Variants in ZNF469 observed in about 807,000 individuals in gnomAD.
ZNF469 encodes the protein zinc finger protein 469.
A neutral mutation model predicts 1.0 loss-of-function variants in ZNF469; 1 was observed. The observed-to-expected ratio is 1.00, with a 90% CI of 0.35 to 4.73. ZNF469 has a LOEUF of 4.73. ZNF469 is among the 30% of genes most tolerant of loss of function. The pLI is 0.16. For synonymous variants in ZNF469, 2,703 were observed against 2,363.4 expected, an observed-to-expected ratio of 1.14 and a Z score of -4.17; for missense variants, 6,100 against 5,356.3, an observed-to-expected ratio of 1.14 and a Z score of -4.33.
At chr16:88,284,324 G>C in the ZNF469 span, among the ~76,000 whole-genome samples, 1 of 152,208 alleles carries the variant, frequency 6.6e-6, no homozygotes, top group Admixed American at 6.5e-5. Context: ...AATGGCTCAC[G>C]CCTATAATCC....
the ZNF469 span, among the ~76,000 whole-genome samples, chr16:88,180,197 T>C: frequency 6.6e-6 from 1 of 151,834 alleles, no homozygotes; most frequent in Admixed American, 6.6e-5. Flanking sequence ...ACGAGACAAA[T>C]ACAAAATAAA....
intron 1 of ZNF469, among the ~76,000 whole-genome samples, chr16:88,402,733 G>A (rs940036489): frequency 1.1e-4 from 16 of 152,202 alleles, no homozygotes; most frequent in Non-Finnish European, 1.9e-4. Context: ...CCCGGCCCCC[G>A]CCTGCCTCTG....
In ZNF469 at chr16:88,433,696, C is replaced by T; in HGVS notation, c.6226C>T (p.Arg2076Ter). Residue 2076 changes from arginine (R) to a stop codon, truncating the protein, a stop_gained, in exon 3 of 3, where the codon CGA (arginine) becomes TGA (stop). Coordinates refer to ENST00000565624, the MANE Select transcript of ZNF469 (RefSeq NM_001367624.2). LOFTEE classifies it low-confidence loss of function (END_TRUNC). Reference sequence around the variant, plus strand: ...GCTGGCCTTGACAGCAGCCCACAGCCGAAGTGGATCTGAGGGCCGGACTCC... The same window carrying T: ...GCTGGCCTTGACAGCAGCCCACAGCTGAAGTGGATCTGAGGGCCGGACTCC... ...LALALTAAHS[R>*]SGSEGRTPER... 2 of 1,549,388 alleles carry T rather than the reference C, an allele frequency of 1.3e-6. No homozygotes were observed. The highest frequency in any genetic ancestry group is 2.4e-5 in the East Asian group (1 of 40,910).
chr16:88,393,281 C>A (rs1230418642), intron 1 of ZNF469, among the ~76,000 whole-genome samples: 1 of 152,264 alleles, frequency 6.6e-6, no homozygotes, highest in African/African-American at 2.4e-5. Context: ...TGGGAGCATG[C>A]CCACAGCAGG....
At chr16:88,335,518 C>T in the ZNF469 span, among the ~76,000 whole-genome samples, 4 of 152,220 alleles carry the variant, frequency 2.6e-5, no homozygotes, top group South Asian at 2.1e-4. Flanking sequence ...GCCCCCTCCT[C>T]GGCCCCTCAG....
chr16:88,257,150 G>C, the ZNF469 span, among the ~76,000 whole-genome samples: 1 of 142,612 alleles, frequency 7.0e-6, no homozygotes, highest in Admixed American at 7.3e-5. Flanking sequence ...TTTTAGTAGA[G>C]AAAGGGTTTT....
the ZNF469 span, among the ~76,000 whole-genome samples, chr16:88,231,880 G>C: frequency 9.2e-5 from 14 of 152,310 alleles, no homozygotes; most frequent in East Asian, 2.5e-3. The surrounding 1 kb of genome is among the most constrained non-coding windows in gnomAD (Gnocchi z 4.5). Context: ...CATCTTTGGG[G>C]GCCATTATTG....
chr16:88,312,306 A>C, the ZNF469 span, among the ~76,000 whole-genome samples: 1 of 152,350 alleles, frequency 6.6e-6, no homozygotes, highest in African/African-American at 2.4e-5. Flanking sequence ...AATTCCCAGG[A>C]GGCTCAGCCT....
At chr16:88,365,122 G>T in the ZNF469 span, among the ~76,000 whole-genome samples, 1 of 152,120 alleles carries the variant, frequency 6.6e-6, no homozygotes, top group African/African-American at 2.4e-5. Flanking sequence ...CATTATTTTG[G>T]GATCCATGAG....
chr16:88,164,052 G>A, the ZNF469 span, among the ~76,000 whole-genome samples: 1 of 151,146 alleles, frequency 6.6e-6, no homozygotes, highest in Non-Finnish European at 1.5e-5. Flanking sequence ...TGGATAAGTG[G>A]GTGGATGGAT....
chr16:88,238,924 A>G, the ZNF469 span, among the ~76,000 whole-genome samples: 3 of 152,188 alleles, frequency 2.0e-5, no homozygotes, highest in Non-Finnish European at 2.9e-5. Flanking sequence ...CCTCCCTCCC[A>G]TGGCCTTGGC....
At chr16:88,376,396 G>C in the ZNF469 span, among the ~76,000 whole-genome samples, 2 of 152,252 alleles carry the variant, frequency 1.3e-5, no homozygotes, top group Admixed American at 6.5e-5. Flanking sequence ...GAGAGGGGGA[G>C]GGAAGCTGCA....
Position 88,439,161 on chromosome 16 carries a change from G to C in ZNF469, c.11691G>C (p.Gln3897His). ...ACAGACTGGGCAAGGCCTTCCCCCA[G>C]GGGAGACCCCTGCTCAGGCCCCCCA... ...RKDRLGKAFP[Q>H]GRPLLRPPKR... The change falls in exon 3 of 3, where the codon CAG becomes CAC. Residue 3897 changes from glutamine (Q) to histidine (H), a missense_variant. Transcript: ENST00000565624. 1 of 1,550,564 alleles carries C rather than the reference G, an allele frequency of 6.4e-7. No homozygotes were observed. The highest frequency in any genetic ancestry group is 8.7e-7 in the Non-Finnish European group (1 of 1,146,974).
the ZNF469 span, among the ~76,000 whole-genome samples, chr16:88,127,176 G>A: frequency 3.3e-5 from 5 of 152,100 alleles, no homozygotes; most frequent in Admixed American, 1.3e-4. Flanking sequence ...GAATGTTGCC[G>A]TGCTCACGAG....
At chr16:88,336,151 G>C in the ZNF469 span, among the ~76,000 whole-genome samples, 5 of 150,344 alleles carry the variant, frequency 3.3e-5, no homozygotes, top group East Asian at 9.8e-4. Context: ...TCCTTCACGT[G>C]AGACACTAAC....
chr16:88,411,491 AGCGGGCAGGGGTGCAAGCAGGCAGG>A (rs1905163966), intron 1 of ZNF469, among the ~76,000 whole-genome samples: 3 of 12,552 alleles, frequency 2.4e-4, no homozygotes, highest in African/African-American at 3.5e-4. Context: ...CAGGGGTGCG[AGCGGGCAGGGGTGCAAGCAGGCAGG>A]GGTGCGAGCG....
the ZNF469 span, among the ~76,000 whole-genome samples, chr16:88,157,772 C>T: frequency 6.6e-6 from 1 of 152,082 alleles, no homozygotes. Flanking sequence ...GTCCAGGGCT[C>T]CAGGTGGGGG....
chr16:88,248,419 T>C, the ZNF469 span, among the ~76,000 whole-genome samples: 7 of 152,110 alleles, frequency 4.6e-5, no homozygotes. Context: ...TCTCTAAAAA[T>C]TCCCCCCAAC....
the ZNF469 span, among the ~76,000 whole-genome samples, chr16:88,301,544 C>T: frequency 6.6e-6 from 1 of 152,222 alleles, no homozygotes; most frequent in Admixed American, 6.5e-5. Context: ...CTCACCCGAA[C>T]AGCCTCTCCA....
Sources: gnomAD v4.1 joint callset for allele counts (sites outside exome capture counted in the v4.1 genomes callset) on GRCh38, gnomAD v4.1.1 for gene constraint, Gnocchi (gnomAD v3.1) non-coding constraint, MANE v1.5 for transcripts, NCBI Gene and HGNC (gene_info 2026-07-23, HGNC 2026-07-21) for gene names.